The following ANKRD36B variants were observed in gnomAD, a reference collection of about 807,000 sequenced individuals.
The protein encoded by ANKRD36B is ankyrin repeat domain-containing protein 36B.
ANKRD36B carries 37 observed loss-of-function variants against 135.7 expected under a neutral mutation model. The observed-to-expected ratio is 0.27, with a 90% confidence interval of 0.21 to 0.36. ANKRD36B has a LOEUF of 0.36. ANKRD36B is among the 10% of genes least tolerant of loss of function. The probability of loss-of-function intolerance (pLI) is 1.00; values close to 1 mark genes in which losing one functional copy is unlikely to be tolerated. For missense variants in ANKRD36B, 549 were observed against 1,037.1 expected (o/e 0.53, Z 6.46); for synonymous variants, 179 against 348.1 (o/e 0.51, Z 5.41).
Position 97,549,615 on chromosome 2 carries a change from C to A in ANKRD36B, c.1376-1G>T, listed in dbSNP as rs771352738. The A allele has an allele frequency of 2.5e-6, 4 of 1,608,246 alleles. No homozygotes were observed. The highest frequency in any genetic ancestry group is 2.2e-5 in the South Asian group (2 of 90,912). ...AAGGCTGGTGGTTTCTGAGAAGACACTGAAAAGCAAAAGGGATTCATAATC... is the reference window on the plus strand; with the variant it reads ...AAGGCTGGTGGTTTCTGAGAAGACAATGAAAAGCAAAAGGGATTCATAATC... On this transcript the variant is annotated splice_acceptor_variant, in intron 18 of 43. Coordinates refer to ENST00000359901, the MANE Select transcript of ANKRD36B (RefSeq NM_001393939.1). LOFTEE classifies it high-confidence loss of function.
intron 10 of ANKRD36B, among the ~76,000 whole-genome samples, chr2:97,558,565 T>A (rs1195962504): frequency 1.3e-5 from 2 of 151,922 alleles, no homozygotes; most frequent in African/African-American, 4.8e-5. Flanking sequence ...CCTTATGTCT[T>A]TAATGGCTCT....
At position 97,530,540 on chromosome 2, in the gene ANKRD36B, C is replaced by A. The variant is rs1337875397; in HGVS notation, c.2265+1771G>T. ...ACACCAAAAGCAATGGCAACAAAAG[C>A]CAAAATTGACAGATGGGATCTAATT... On this transcript the variant is annotated intron_variant, in intron 35 of 43. Coordinates refer to ENST00000359901, the MANE Select transcript of ANKRD36B (RefSeq NM_001393939.1). Among the ~76,000 whole-genome samples, 2 of 95,714 alleles carry A rather than the reference C, an allele frequency of 2.1e-5. 1 individual carries two copies. The highest frequency in any genetic ancestry group is 5.5e-5 in the Non-Finnish European group (2 of 36,112). 62.8% of individuals were successfully genotyped at this position (95,714 alleles called of 152,430 possible).
intron 8 of ANKRD36B, among the ~76,000 whole-genome samples, chr2:97,559,343 G>T (rs1457124383): frequency 1.3e-5 from 2 of 151,896 alleles, no homozygotes; most frequent in African/African-American, 4.8e-5. Context: ...GGTGGTACAT[G>T]ATCCCTCATG....
intron 12 of ANKRD36B, 130 bp downstream of exon 12, chr2:97,556,807 G>C: frequency 2.1e-6 from 3 of 1,422,530 alleles, no homozygotes; most frequent in Admixed American, 4.9e-5. Flanking sequence ...CAACTTACTA[G>C]AAATGCACAA....
At chr2:97,566,326 A>G (rs1292021518) in intron 6 of ANKRD36B, among the ~76,000 whole-genome samples, 1 of 151,644 alleles carries the variant, frequency 6.6e-6, no homozygotes, top group African/African-American at 2.4e-5. Context: ...ATCTCAAAAG[A>G]AAAAAAAATC....
intron 6 of ANKRD36B, among the ~76,000 whole-genome samples, chr2:97,573,749 T>G (rs1376976536): frequency 6.6e-6 from 1 of 152,128 alleles, no homozygotes; most frequent in Non-Finnish European, 1.5e-5. Flanking sequence ...TCTACAACTA[T>G]CGATCTTTGA....
intron 8 of ANKRD36B, 55 bp downstream of exon 8, chr2:97,560,610 G>T: frequency 6.3e-7 from 1 of 1,592,496 alleles, no homozygotes; most frequent in Non-Finnish European, 8.5e-7. Context: ...TTGGGGAAGG[G>T]AATTTCTCTT....
rs554341854 is a variant in ANKRD36B, at chr2:97,533,326, G to A, written c.2192-942C>T. Among the ~76,000 whole-genome samples, 26 of 97,248 alleles carry A rather than the reference G, an allele frequency of 2.7e-4. 7 individuals carry two copies. Among genetic ancestry groups the A allele is most frequent in the African/African-American group, 8.0e-4 (26 of 32,450 alleles). The allele number at this position is 97,248 out of a possible 152,430, so 63.8% of individuals were successfully genotyped here. On this transcript the variant is annotated intron_variant, in intron 34 of 43. Transcript: ENST00000359901. ...CTAACTATAACTGAAATAGAAGAGT[G>A]TATCTATTTCAATGTAAACATGTTG... is the stretch of plus-strand genomic sequence containing the variant.
chr2:97,545,449 C>T (rs2079368491), intron 24 of ANKRD36B, among the ~76,000 whole-genome samples: 1 of 95,316 alleles, frequency 1.0e-5, no homozygotes, highest in African/African-American at 3.1e-5. Flanking sequence ...GGTTCTTTTT[C>T]CCAATTTCAA....
chr2:97,571,960 T>C (rs1486962682), intron 6 of ANKRD36B, among the ~76,000 whole-genome samples: 1 of 152,104 alleles, frequency 6.6e-6, no homozygotes, highest in Non-Finnish European at 1.5e-5. Flanking sequence ...AATAGGACTT[T>C]AAACTCCCTT....
Position 97,585,374 on chromosome 2 carries a change from G to C in ANKRD36B, c.186C>G (p.Ala62=). The part of the protein sequence containing the change: ...KERTALHLAC[A]TGQPEMVHLL... ...GATGTACCATTTCCGGTTGGCCAGT[G>C]GCACAGGCCAAATGTAGGGCAGTCC... is the stretch of plus-strand genomic sequence containing the variant. Residue 62 remains alanine, a synonymous_variant, in exon 2 of 44, where the codon GCC becomes GCG. Transcript: ENST00000359901. 1.3e-6 allele frequency: 2 copies of C among 1,570,424 alleles called. No individual in the cohort carries two copies. The highest frequency in any genetic ancestry group is 1.7e-6 in the Non-Finnish European group (2 of 1,156,150).
chr2:97,567,710 T>G (rs1364876046), intron 6 of ANKRD36B, among the ~76,000 whole-genome samples: 2 of 152,120 alleles, frequency 1.3e-5, no homozygotes, highest in Non-Finnish European at 2.9e-5. Flanking sequence ...TATGACAAAA[T>G]TTGAGCCCTT....
intron 43 of ANKRD36B, among the ~76,000 whole-genome samples, chr2:97,506,695 C>A (rs577744083): frequency 3.2e-5 from 3 of 93,282 alleles, no homozygotes; most frequent in African/African-American, 7.7e-5. Context: ...CTACCTTAAC[C>A]TTGAGAAGTT....
intron 6 of ANKRD36B, among the ~76,000 whole-genome samples, chr2:97,570,184 A>C (rs186044709): frequency 6.6e-6 from 1 of 152,306 alleles, no homozygotes; most frequent in East Asian, 1.9e-4. Flanking sequence ...ACAGAAACTT[A>C]GTATTTCATA....
chr2:97,586,572 TTGATGAA>T (rs1247955974), intron 1 of ANKRD36B, among the ~76,000 whole-genome samples: 1 of 152,178 alleles, frequency 6.6e-6, no homozygotes. Flanking sequence ...CAGGTTATGC[TTGATGAA>T]TAACTGGATT....
intron 1 of ANKRD36B, among the ~76,000 whole-genome samples, chr2:97,588,081 TTGTGA>T (rs2083150961): frequency 6.6e-6 from 1 of 151,760 alleles, no homozygotes; most frequent in African/African-American, 2.4e-5. Context: ...GAATGTGTGC[TTGTGA>T]TATTTGTAGG....
intron 6 of ANKRD36B, among the ~76,000 whole-genome samples, chr2:97,568,251 T>C (rs1461652101): frequency 6.6e-6 from 1 of 151,992 alleles, no homozygotes; most frequent in Non-Finnish European, 1.5e-5. Flanking sequence ...TAAGAGGAAA[T>C]TACTGTACTT....
chr2:97,555,710 T>C (rs1329875777), intron 12 of ANKRD36B, among the ~76,000 whole-genome samples: 1 of 151,916 alleles, frequency 6.6e-6, no homozygotes, highest in Admixed American at 6.6e-5. Flanking sequence ...AAGTACACAA[T>C]TACAATGACA....
chr2:97,527,886 C>T (rs2078308767), intron 35 of ANKRD36B, among the ~76,000 whole-genome samples: 1 of 95,952 alleles, frequency 1.0e-5, no homozygotes, highest in Admixed American at 9.2e-5. Context: ...AATACAGGAG[C>T]ACCCAGATTC....
Sources: gnomAD v4.1 joint callset for allele counts (sites outside exome capture counted in the v4.1 genomes callset) on GRCh38, gnomAD v4.1.1 for gene constraint, MANE v1.5 for transcripts, NCBI Gene and HGNC (gene_info 2026-07-23, HGNC 2026-07-21) for gene names.